PCTP: variants seen among roughly 807,000 people sequenced by gnomAD.
PCTP encodes the protein phosphatidylcholine transfer protein, also known as START domain-containing protein 2.
Under a neutral mutation model 31.0 loss-of-function variants are expected in PCTP, and 27 were observed. The observed-to-expected ratio is 0.87, with a 90% CI of 0.64 to 1.20. The LOEUF (loss-of-function observed/expected upper bound fraction) is 1.20. Among genes scored for constraint, PCTP ranks in the 50% most tolerant of loss-of-function variants. The pLI, the probability that PCTP is intolerant of heterozygous loss-of-function variation, is 0.00. For synonymous variants in PCTP, 108 were observed against 101.2 expected (o/e 1.07, Z -0.40); for missense variants, 287 against 268.2 (o/e 1.07, Z -0.49).
At chr17:55,832,971 C>T (rs909348033) in intron 5 of PCTP, among the ~76,000 whole-genome samples, 3 of 152,150 alleles carry the variant, frequency 2.0e-5, no homozygotes, top group Non-Finnish European at 4.4e-5. Context: ...GGGCAGTTTC[C>T]TCTTGGTTCA....
At chr17:55,796,092 G>A (rs547757939) in intron 3 of PCTP, among the ~76,000 whole-genome samples, 3 of 152,030 alleles carry the variant, frequency 2.0e-5, no homozygotes, top group Non-Finnish European at 2.9e-5. Flanking sequence ...GTAATAGTAC[G>A]AATTAAGGCA....
chr17:55,844,963 T>G (rs1331529759), downstream of PCTP, among the ~76,000 whole-genome samples: 1 of 150,410 alleles, frequency 6.6e-6, no homozygotes, highest in Non-Finnish European at 1.5e-5. Flanking sequence ...GGCACATACC[T>G]GTAATCCCAG....
At chr17:55,833,875 A>G (rs536140315) in intron 5 of PCTP, among the ~76,000 whole-genome samples, 1 of 152,338 alleles carries the variant, frequency 6.6e-6, no homozygotes, top group East Asian at 1.9e-4. Flanking sequence ...ATCCTGGACT[A>G]TAAAACATGT....
At chr17:55,773,957 G>C (rs2144968223) in intron 4 of PCTP, 62 bp downstream of exon 4, 1 of 1,496,520 alleles carries the variant, frequency 6.7e-7, no homozygotes, top group South Asian at 1.3e-5. Context: ...GGGCCAGGCT[G>C]ATGGGGGGAC....
In PCTP at chr17:55,767,765, C is replaced by CTTTTTT. The variant is rs10634278; in HGVS notation, c.259+328_259+333dup. Among the ~76,000 whole-genome samples, 216 of 103,424 alleles carry CTTTTTT rather than the reference C, an allele frequency of 2.1e-3. 3 individuals are homozygous for CTTTTTT. Among genetic ancestry groups the CTTTTTT allele is most frequent in the African/African-American group, 5.7e-3 (155 of 27,346 alleles). 67.9% of individuals were successfully genotyped at this position (103,424 alleles called of 152,430 possible). A position where few individuals can be genotyped will look rare whatever the true frequency, so the allele number is the denominator to read the frequency against. On this transcript the variant is annotated intron_variant, in intron 2 of 5. Transcript: ENST00000268896. ...CAGGCATGAGCCGCTGCACCCAGTGCTTTTTTTTTTTTTTTTTTTTGATCA... is the reference window on the plus strand; with the variant it reads ...CAGGCATGAGCCGCTGCACCCAGTGCTTTTTTTTTTTTTTTTTTTTTTTTTTGATCA...
intron 1 of PCTP, among the ~76,000 whole-genome samples, chr17:55,762,526 A>G (rs1468407342): frequency 6.6e-6 from 1 of 152,082 alleles, no homozygotes; most frequent in Non-Finnish European, 1.5e-5. Context: ...AAGGACCACT[A>G]TGTCAATTAG....
chr17:55,809,609 G>A (rs1038142158), intron 3 of PCTP, among the ~76,000 whole-genome samples: 1 of 146,024 alleles, frequency 6.8e-6, no homozygotes, highest in South Asian at 2.3e-4. Flanking sequence ...TGCAACCTCC[G>A]CTTCCCGGGT....
At chr17:55,785,289 A>T (rs1911707166) in intron 2 of PCTP, among the ~76,000 whole-genome samples, 1 of 152,232 alleles carries the variant, frequency 6.6e-6, no homozygotes, top group South Asian at 2.1e-4. Flanking sequence ...AGTAGCTGAG[A>T]CCCTCAGTTC....
At chr17:55,830,006 A>C (rs2145077434) in intron 5 of PCTP, among the ~76,000 whole-genome samples, 1 of 152,348 alleles carries the variant, frequency 6.6e-6, no homozygotes, top group African/African-American at 2.4e-5. Flanking sequence ...TATGACACCA[A>C]ATAGCGGCAG....
At chr17:55,772,554 T>C (rs1911071043) in intron 3 of PCTP, among the ~76,000 whole-genome samples, 1 of 138,384 alleles carries the variant, frequency 7.2e-6, no homozygotes, top group Admixed American at 7.6e-5. Context: ...GACACTCTAC[T>C]CCAGTCTGGG....
Position 55,776,423 on chromosome 17 carries a change from C to A in PCTP, c.*323C>A. ...CTTGCTTACTATTAGGAGGGGAAGT[C>A]TTCAGTAGGGAACACGATCATTCCA... is the stretch of plus-strand genomic sequence containing the variant. On this transcript the variant is annotated 3_prime_UTR_variant, in exon 6 of 6. Coordinates refer to ENST00000268896, the MANE Select transcript of PCTP (RefSeq NM_021213.4). The A allele has an allele frequency of 8.0e-7, 1 of 1,242,366 alleles. No individual in the cohort carries two copies. Among genetic ancestry groups the A allele is most frequent in the South Asian group, 3.9e-5 (1 of 25,882 alleles). The allele number at this position is 1,242,366 out of a possible 1,614,324, so 77.0% of individuals were successfully genotyped here.
In PCTP at chr17:55,771,638, G is replaced by A. The variant is rs552050820; in HGVS notation, c.339+453G>A. ...GGCCTCTGCATTTCCAGCTCTCTCC[G>A]CCTCCCCCATCTCAGTAGACCCCAC... On this transcript the variant is annotated intron_variant, in intron 3 of 5. Coordinates refer to ENST00000268896, the MANE Select transcript of PCTP (RefSeq NM_021213.4). 5.3e-5 allele frequency among the ~76,000 whole-genome samples: 8 copies of A among 152,278 alleles called. No individual in the cohort carries two copies. The South Asian group carries it at 6.2e-4, about 12-fold the overall frequency.
chr17:55,751,454 A>C, intron 1 of PCTP: 1 of 1,532,880 alleles, frequency 6.5e-7, no homozygotes, highest in South Asian at 1.2e-5. Flanking sequence ...GGGGAGTTGG[A>C]AGGTCACAGG....
intron 2 of PCTP, among the ~76,000 whole-genome samples, chr17:55,767,845 C>A (rs1597981786): frequency 6.7e-6 from 1 of 149,802 alleles, no homozygotes; most frequent in Admixed American, 6.7e-5. Context: ...GTAATCCCAG[C>A]ACGTGGGGAG....
At chr17:55,851,826 G>A in the PCTP span, among the ~76,000 whole-genome samples, 1 of 152,010 alleles carries the variant, frequency 6.6e-6, no homozygotes, top group Admixed American at 6.6e-5. Flanking sequence ...CTGCCATATT[G>A]GCTTCCAGTT....
At chr17:55,791,117 A>G (rs111373422) in intron 3 of PCTP, among the ~76,000 whole-genome samples, 10,304 of 151,606 alleles carry the variant, frequency 0.068, 1,148 homozygotes, top group African/African-American at 0.23. Context: ...GAAAGCTGAA[A>G]CTGGATCCCT....
chr17:55,752,441 C>G (rs1909765380), intron 1 of PCTP, among the ~76,000 whole-genome samples: 1 of 152,154 alleles, frequency 6.6e-6, no homozygotes, highest in Non-Finnish European at 1.5e-5. Flanking sequence ...ACAGTGACCC[C>G]ATACCTCTCC....
At chr17:55,766,674 G>C (rs545509645) in intron 1 of PCTP, among the ~76,000 whole-genome samples, 1 of 152,156 alleles carries the variant, frequency 6.6e-6, no homozygotes, top group South Asian at 2.1e-4. Context: ...TTGGACATTT[G>C]GGTTGGTTCC....
At chr17:55,768,175 A>C (rs1350678135) in intron 2 of PCTP, among the ~76,000 whole-genome samples, 1 of 152,108 alleles carries the variant, frequency 6.6e-6, no homozygotes, top group Non-Finnish European at 1.5e-5. Flanking sequence ...CTTCCTATTA[A>C]ATTTTGGCAC....
Sources: allele counts gnomAD v4.1 joint callset (sites outside exome capture counted in the v4.1 genomes callset), GRCh38; gene constraint gnomAD v4.1.1; transcripts MANE v1.5; gene names NCBI Gene and HGNC (gene_info 2026-07-23, HGNC 2026-07-21).